PIEZO1: variants seen among roughly 807,000 people sequenced by gnomAD.
PIEZO1 encodes the protein piezo-type mechanosensitive ion channel component 1.
A neutral mutation model predicts 297.2 loss-of-function variants in PIEZO1; 296 were observed. That is an observed-to-expected ratio of 1.00 (90% CI 0.91 to 1.10). The LOEUF (loss-of-function observed/expected upper bound fraction) is 1.10, where lower values mean the gene tolerates loss of function less well. PIEZO1 is among the 50% of genes least tolerant of loss of function. The pLI, the probability that PIEZO1 is intolerant of heterozygous loss-of-function variation, is 0.00. For synonymous variants in PIEZO1, 2,427 were observed against 1,507.5 expected (o/e 1.61, Z -14.13); for missense variants, 5,018 against 3,455.5 (o/e 1.45, Z -11.34).
In PIEZO1 at chr16:88,720,439, G is replaced by A. The variant is rs1912348780; in HGVS notation, c.5895C>T (p.Phe1965=). The A allele has an allele frequency of 6.4e-7, 1 of 1,550,520 alleles. No individual in the cohort carries two copies. Among genetic ancestry groups the A allele is most frequent in the Middle Eastern group, 1.7e-4 (1 of 5,992 alleles). Residue 1965 remains phenylalanine (F), a synonymous_variant, in exon 41 of 51, where the codon TTC becomes TTT. Coordinates refer to ENST00000301015, the MANE Select transcript of PIEZO1 (RefSeq NM_001142864.4). ...TGATGAAGTCGACAACATCAGCCAG[G>A]AACATGAGGGCATAGACGTCGGTGG... The part of the protein sequence containing the change: ...RAATDVYALM[F]LADVVDFIII...
intron 22 of PIEZO1, among the ~76,000 whole-genome samples, chr16:88,729,502 C>G (rs1904660508): frequency 8.1e-6 from 1 of 124,146 alleles, no homozygotes; most frequent in Non-Finnish European, 1.8e-5. Context: ...ACAAAGTGAC[C>G]CTCGATGCTG....
rs941628877 is a variant in PIEZO1 at position 88,716,031 on chromosome 16, G to A, written c.7218C>T (p.Ile2406=). The change falls in exon 50 of 51, where the codon ATC becomes ATT. Residue 2406 remains isoleucine, a synonymous_variant. Coordinates refer to ENST00000301015, the MANE Select transcript of PIEZO1 (RefSeq NM_001142864.4). Reference sequence around the variant, plus strand: ...AGTCGGTCCGGCACTCCTGCAGCTCGATGACCCACCATTCGAGGAAGCCGG... The same window carrying A: ...AGTCGGTCCGGCACTCCTGCAGCTCAATGACCCACCATTCGAGGAAGCCGG... ...GATGFLEWWV[I]ELQECRTDCN... 32 of 1,550,084 alleles carry A rather than the reference G, an allele frequency of 2.1e-5. No individual in the cohort carries two copies. Among genetic ancestry groups the A allele is most frequent in the Middle Eastern group, 1.7e-4 (1 of 6,012 alleles).
At position 88,742,305 on chromosome 16, in the gene PIEZO1, G is replaced by T. The variant is rs1214697607; in HGVS notation, c.278C>A (p.Pro93His). 2 of 1,532,522 alleles carry T rather than the reference G, an allele frequency of 1.3e-6. No homozygotes were observed. Among genetic ancestry groups the T allele is most frequent in the Non-Finnish European group, 1.7e-6 (2 of 1,145,084 alleles). The allele number at this position is 1,532,522 out of a possible 1,614,324, so 94.9% of individuals were successfully genotyped here. ...IVPRLDQLLG[P>H]SCSRWETLSR... is the part of the protein sequence containing the mutation. ...CCGCCCCCTCAGCGACTCACAGCTG[G>T]GTCCCAGGAGCTGGTCCAGGCGGGG... is the stretch of plus-strand genomic sequence containing the variant. Residue 93 changes from proline to histidine, a missense_variant, in exon 3 of 51, where the codon CCC (proline) becomes CAC (histidine). Physicochemically the swap from Pro to His is moderately conservative, Grantham distance 77. Coordinates refer to ENST00000301015, the MANE Select transcript of PIEZO1 (RefSeq NM_001142864.4).
intron 44 of PIEZO1, 137 bp downstream of exon 44, chr16:88,719,437 C>G (rs1912269437): frequency 1.7e-5 from 13 of 752,532 alleles, no homozygotes; most frequent in Non-Finnish European, 2.8e-5. Flanking sequence ...AGTGGGTGGG[C>G]TCGCCTCATG....
intron 44 of PIEZO1, chr16:88,718,027 G>A: frequency 6.3e-6 from 2 of 319,694 alleles, no homozygotes; most frequent in South Asian, 2.5e-5. Flanking sequence ...AGGCTACAGT[G>A]AGTGAAGGTC....
Position 88,738,756 on chromosome 16 carries a change from G to C in PIEZO1, c.466-20C>G. 1 of 1,522,206 alleles carries C rather than the reference G, an allele frequency of 6.6e-7. No homozygotes were observed. The allele number at this position is 1,522,206 out of a possible 1,614,324, so 94.3% of individuals were successfully genotyped here. A position where few individuals can be genotyped will look rare whatever the true frequency, so the allele number is the denominator to read the frequency against. On this transcript the variant is annotated intron_variant, in intron 5 of 50. Coordinates refer to ENST00000301015, the MANE Select transcript of PIEZO1 (RefSeq NM_001142864.4). ...ATCATCCTGCCAAGGTCACGGACAG[G>C]GGCAAGGTCAGGTGTATCGCACTGA... is the stretch of plus-strand genomic sequence containing the variant.
At chr16:88,727,357 T>G (rs1199380477) in intron 23 of PIEZO1, among the ~76,000 whole-genome samples, 165 bp from the exon 24 acceptor site, 1 of 152,062 alleles carries the variant, frequency 6.6e-6, no homozygotes, top group African/African-American at 2.4e-5. Context: ...AGCCCCGGTG[T>G]GAGGGCATCT....
In PIEZO1 at chr16:88,732,547, A is replaced by C. The variant is rs763815495; in HGVS notation, c.2791-12T>G. ...ACTTGCAGGTGGTTCTGCGGAGGGC[A>C]AGGGTCAGGGGGCAGCCGGGTACTC... On this transcript the variant is annotated splice_polypyrimidine_tract_variant and intron_variant, in intron 20 of 50. Transcript: ENST00000301015. 2.8e-5 allele frequency: 43 copies of C among 1,544,856 alleles called. No individual in the cohort carries two copies. The highest frequency in any genetic ancestry group is 3.7e-5 in the Non-Finnish European group (42 of 1,142,718).
intron 1 of PIEZO1, among the ~76,000 whole-genome samples, chr16:88,749,871 T>C (rs974909596): frequency 5.0e-5 from 7 of 140,964 alleles, no homozygotes; most frequent in African/African-American, 1.9e-4. Flanking sequence ...CCACCGAAAA[T>C]ACAAAAATTA....
intron 5 of PIEZO1, 70 bp downstream of exon 5, chr16:88,741,408 C>T: frequency 7.6e-7 from 1 of 1,317,278 alleles, no homozygotes. Context: ...ATTAAAATAA[C>T]CCTCAAAATG....
chr16:88,757,467 A>G (rs1906732323), intron 1 of PIEZO1, among the ~76,000 whole-genome samples: 1 of 151,946 alleles, frequency 6.6e-6, no homozygotes, highest in Non-Finnish European at 1.5e-5. Context: ...GACGGGGCCT[A>G]GGAGACAGGA....
Position 88,719,733 on chromosome 16 carries a change from C to T in PIEZO1, c.6324-12G>A. The T allele has an allele frequency of 1.3e-6, 2 of 1,550,554 alleles. No homozygotes were observed. The highest frequency in any genetic ancestry group is 1.7e-6 in the Non-Finnish European group (2 of 1,146,954). On this transcript the variant is annotated splice_polypyrimidine_tract_variant and intron_variant, in intron 43 of 50. Coordinates refer to ENST00000301015, the MANE Select transcript of PIEZO1 (RefSeq NM_001142864.4). ...GCACCAGCCGGAACCTGCCCACAGCCAGGGTTCCCGTCAGGTGGGCTCCCT... is the reference window on the plus strand; with the variant it reads ...GCACCAGCCGGAACCTGCCCACAGCTAGGGTTCCCGTCAGGTGGGCTCCCT...
chr16:88,734,178 G>A (rs573141900), intron 16 of PIEZO1, 124 bp from the exon 17 acceptor site: 61 of 1,291,198 alleles, frequency 4.7e-5, no homozygotes, highest in African/African-American at 1.8e-4. Flanking sequence ...CAGCTGTGTC[G>A]CAACTCATGC....
intron 22 of PIEZO1, 75 bp downstream of exon 22, chr16:88,731,631 G>T: frequency 8.6e-7 from 1 of 1,168,722 alleles, no homozygotes; most frequent in Admixed American, 2.0e-5. Context: ...AGGAGTCTGG[G>T]GCAGGCGGGA....
Position 88,721,341 on chromosome 16 carries a change from T to C in PIEZO1, c.5493A>G (p.Pro1831=), listed in dbSNP as rs773769306. The C allele has an allele frequency of 2.6e-6, 4 of 1,548,058 alleles. No individual in the cohort carries two copies. The South Asian group carries it at 3.6e-5, about 14-fold the overall frequency. The change falls in exon 39 of 51, where the codon CCA becomes CCG. Residue 1831 remains proline (P), a synonymous_variant. Coordinates refer to ENST00000301015, the MANE Select transcript of PIEZO1 (RefSeq NM_001142864.4). ...GEEEQGAEEG[P]GVPAATTEDH... ...CTTCGGTGGTGGCCGCAGGCACCCC[T>C]GGCCCCTCCTCGGCTCCCTGCTCCT...
Position 88,727,630 on chromosome 16 carries a change from G to T in PIEZO1, c.3228C>A (p.Pro1076=). 6.6e-7 allele frequency: 1 copy of T among 1,514,004 alleles called. No individual in the cohort carries two copies. 93.8% of individuals were successfully genotyped at this position (1,514,004 alleles called of 1,614,324 possible). The change falls in exon 23 of 51, where the codon CCC becomes CCA. Residue 1076 remains proline, a synonymous_variant. Transcript: ENST00000301015. The part of the protein sequence containing the change: ...DYPWRWSRAV[P]MNSALIKWLY... ...GCCACTTGATGAGTGCGGAGTTCAT[G>T]GGGACGGCCCGGCTCCAGCGCCAGG...
rs562043832 is a variant in PIEZO1, at chr16:88,744,726, G to C, written c.161-2304C>G. On this transcript the variant is annotated intron_variant, in intron 2 of 50. Coordinates refer to ENST00000301015, the MANE Select transcript of PIEZO1 (RefSeq NM_001142864.4). ...GTCCTGGTCTGGCCATGTTAGAACA[G>C]CTGGGCCATGATCCCTCCGCAGGGT... 8.6e-4 allele frequency among the ~76,000 whole-genome samples: 131 copies of C among 152,052 alleles called. 1 individual carries two copies. Among genetic ancestry groups the C allele is most frequent in the South Asian group, 2.3e-3 (11 of 4,806 alleles).
In PIEZO1 at chr16:88,730,485, C is replaced by A. The variant is rs553398041; in HGVS notation, c.3196+1221G>T. Among the ~76,000 whole-genome samples, 9 of 151,244 alleles carry A rather than the reference C, an allele frequency of 6.0e-5. 1 individual carries two copies. In the South Asian group the frequency reaches 1.9e-3, roughly 32 times the overall value. On this transcript the variant is annotated intron_variant, in intron 22 of 50. Coordinates refer to ENST00000301015, the MANE Select transcript of PIEZO1 (RefSeq NM_001142864.4). ...TGGTGGTGCTTGCCTGTAATCCTAG[C>A]CACGAGGGAGGCTGAGACAGGAGAA...
chr16:88,764,466 T>G (rs1299584559), intron 1 of PIEZO1, among the ~76,000 whole-genome samples: 1 of 152,060 alleles, frequency 6.6e-6, no homozygotes, highest in Non-Finnish European at 1.5e-5. Flanking sequence ...GACATTCCCC[T>G]GCCAGGCCGG....
Sources: gnomAD v4.1 joint callset for allele counts (sites outside exome capture counted in the v4.1 genomes callset) on GRCh38, gnomAD v4.1.1 for gene constraint, MANE v1.5 for transcripts, NCBI Gene and HGNC (gene_info 2026-07-23, HGNC 2026-07-21) for gene names.